CFAP54: variants seen among roughly 807,000 people sequenced by gnomAD.
CFAP54 encodes the protein cilia and flagella associated protein 54, also known as cilia- and flagella-associated protein 54.
CFAP54 carries 290 observed loss-of-function variants against 370.4 expected under a neutral mutation model. The ratio of observed to expected loss-of-function variants is 0.78; its 90% CI spans 0.71 to 0.86. The LOEUF (loss-of-function observed/expected upper bound fraction) is 0.86. CFAP54 is among the 40% of genes least tolerant of loss of function. The probability of loss-of-function intolerance (pLI) is 0.00; values close to 1 mark genes in which losing one functional copy is unlikely to be tolerated. For missense variants in CFAP54, 3,399 were observed against 3,528.7 expected (o/e 0.96, Z 0.93); for synonymous variants, 1,206 against 1,236.5 (o/e 0.98, Z 0.52).
chr12:96,511,601 A>T (rs2136357958), intron 4 of CFAP54, among the ~76,000 whole-genome samples: 1 of 151,978 alleles, frequency 6.6e-6, no homozygotes, highest in Middle Eastern at 3.4e-3. Flanking sequence ...TACAGGTGTG[A>T]GACACCACGC....
Position 96,658,201 on chromosome 12 carries a change from C to T in CFAP54, c.5325-10C>T, listed in dbSNP as rs745379616. ...GTTTTCTTTTTAATGTATTCTTTAC[C>T]CCTGTCTAGTGAGAGGTATACAGAA... On this transcript the variant is annotated splice_polypyrimidine_tract_variant and intron_variant, in intron 37 of 67. Coordinates refer to ENST00000524981, the MANE Select transcript of CFAP54 (RefSeq NM_001306084.2). 8.1e-5 allele frequency: 131 copies of T among 1,608,702 alleles called. No individual in the cohort carries two copies. Among genetic ancestry groups the T allele is most frequent in the Non-Finnish European group, 1.1e-4 (125 of 1,178,498 alleles).
intron 11 of CFAP54, among the ~76,000 whole-genome samples, 174 bp downstream of exon 11, chr12:96,534,401 G>A (rs1378783191): frequency 1.3e-5 from 2 of 152,184 alleles, no homozygotes; most frequent in Non-Finnish European, 2.9e-5. Flanking sequence ...ACCAAGTGTG[G>A]TAGGTGACAA....
chr12:96,610,647 G>A (rs1489428966), intron 26 of CFAP54, among the ~76,000 whole-genome samples: 1 of 152,216 alleles, frequency 6.6e-6, no homozygotes, highest in African/African-American at 2.4e-5. Context: ...GCCAAGGGAA[G>A]CTATGACAGA....
At chr12:96,568,328 T>C (rs1457798686) in intron 19 of CFAP54, among the ~76,000 whole-genome samples, 2 of 152,156 alleles carry the variant, frequency 1.3e-5, no homozygotes, top group African/African-American at 4.8e-5. Flanking sequence ...CCTATTAGGA[T>C]AGACTCTTGA....
intron 12 of CFAP54, among the ~76,000 whole-genome samples, chr12:96,538,026 G>A (rs576291400): frequency 6.6e-6 from 1 of 152,022 alleles, no homozygotes; most frequent in Admixed American, 6.6e-5. Flanking sequence ...GGGATGTGGA[G>A]GTGAGATTGC....
intron 15 of CFAP54, among the ~76,000 whole-genome samples, chr12:96,549,874 G>A (rs993953090): frequency 2.6e-5 from 4 of 152,066 alleles, no homozygotes; most frequent in African/African-American, 7.2e-5. Flanking sequence ...GAAAAATGAC[G>A]GTTTATTGTA....
intron 19 of CFAP54, 122 bp from the exon 20 acceptor site, chr12:96,576,463 C>T: frequency 1.3e-6 from 1 of 741,102 alleles, no homozygotes; most frequent in Non-Finnish European, 2.0e-6. Flanking sequence ...ATATTTGAGC[C>T]TCTGAGGCTT....
At chr12:96,761,109 C>T (rs1249722668) in intron 58 of CFAP54, among the ~76,000 whole-genome samples, 3 of 152,122 alleles carry the variant, frequency 2.0e-5, no homozygotes, top group Admixed American at 6.6e-5. Context: ...GCAATTTTTC[C>T]ACATCCTTGC....
chr12:96,546,482 C>A (rs1048187908), intron 14 of CFAP54, among the ~76,000 whole-genome samples: 1 of 152,176 alleles, frequency 6.6e-6, no homozygotes, highest in Non-Finnish European at 1.5e-5. Context: ...TTCCAGCTTT[C>A]CTTCAGCCAA....
intron 32 of CFAP54, among the ~76,000 whole-genome samples, chr12:96,637,824 C>T (rs815909): frequency 0.096 from 14,651 of 152,224 alleles, 862 homozygotes; most frequent in South Asian, 0.24. Context: ...GCATGTACAA[C>T]GGTGGTCCTA....
intron 63 of CFAP54, among the ~76,000 whole-genome samples, chr12:96,803,523 T>C (rs1231529010): frequency 6.6e-6 from 1 of 151,958 alleles, no homozygotes; most frequent in East Asian, 1.9e-4. Context: ...ACCAGTGGGG[T>C]CTGGAGGCGG....
At chr12:96,516,811 C>T (rs568361103) in intron 5 of CFAP54, among the ~76,000 whole-genome samples, 14 of 152,274 alleles carry the variant, frequency 9.2e-5, no homozygotes, top group African/African-American at 2.6e-4. Context: ...CGTACCATTA[C>T]ACAAACTTTA....
chr12:96,842,523 A>T lies in CFAP54; in HGVS notation c.9171+13435A>T, dbSNP rs558485521. Among the ~76,000 whole-genome samples the T allele has an allele frequency of 3.9e-5, 6 of 152,290 alleles. 1 individual carries two copies. The highest frequency in any genetic ancestry group is 8.8e-5 in the Non-Finnish European group (6 of 68,020). On this transcript the variant is annotated intron_variant, in intron 66 of 67. Transcript: ENST00000524981. ...TGTTGCATAAAAGGAATTTTATAGT[A>T]TGTAACATTTTGAGATTGGCCTTTT...
chr12:96,625,851 C>A, intron 29 of CFAP54, 44 bp downstream of exon 29: 1 of 1,332,452 alleles, frequency 7.5e-7, no homozygotes, highest in African/African-American at 1.5e-5. Flanking sequence ...CGATTTATCA[C>A]TGAAGAGAAT....
At chr12:96,493,224 A>G (rs375626612) in intron 1 of CFAP54, among the ~76,000 whole-genome samples, 2 of 152,200 alleles carry the variant, frequency 1.3e-5, no homozygotes, top group South Asian at 4.1e-4. Context: ...TGTGTGAGGA[A>G]ATGTACTTGA....
At position 96,756,447 on chromosome 12, in the gene CFAP54, T is replaced by TC. The variant is rs1565966671; in HGVS notation, c.7841-10dup. 6.6e-7 allele frequency: 1 copy of TC among 1,524,058 alleles called. No individual in the cohort carries two copies. The highest frequency in any genetic ancestry group is 1.4e-5 in the African/African-American group (1 of 71,230). The allele number at this position is 1,524,058 out of a possible 1,614,324, so 94.4% of individuals were successfully genotyped here. A position where few individuals can be genotyped will look rare whatever the true frequency, so the allele number is the denominator to read the frequency against. ...AGGAAAAACCATCTTTGTATCTTTT[T>TC]CTTCTTTCAGGCAAAATAGAACGTC... is the stretch of plus-strand genomic sequence containing the variant. On this transcript the variant is annotated splice_polypyrimidine_tract_variant and intron_variant, in intron 56 of 67. Transcript: ENST00000524981.
chr12:96,647,471 C>CGAAAAAAAAAAAA lies in CFAP54; in HGVS notation c.4548-404_4548-403insGAAAAAAAAAAAA, dbSNP rs1167008566. On this transcript the variant is annotated intron_variant, in intron 33 of 67. Coordinates refer to ENST00000524981, the MANE Select transcript of CFAP54 (RefSeq NM_001306084.2). The stretch of plus-strand genomic sequence containing the variant: ...CTGGGCGACAGAGCGAGACTCTGTC[C>CGAAAAAAAAAAAA]CAAAAAAAAAAAAAAAAAAAAAAAA... 1.8e-3 allele frequency among the ~76,000 whole-genome samples: 19 copies of CGAAAAAAAAAAAA among 10,688 alleles called. 1 individual carries two copies. Among genetic ancestry groups the CGAAAAAAAAAAAA allele is most frequent in the Non-Finnish European group, 3.3e-3 (13 of 3,984 alleles). 7.0% of individuals were successfully genotyped at this position (10,688 alleles called of 152,430 possible).
chr12:96,791,851 C>CTTT (rs112115771), intron 62 of CFAP54, among the ~76,000 whole-genome samples: 1 of 134,472 alleles, frequency 7.4e-6, no homozygotes, highest in Non-Finnish European at 1.6e-5. Flanking sequence ...ATTTTTTTTT[C>CTTT]TTTTTTTTTT....
intron 14 of CFAP54, among the ~76,000 whole-genome samples, chr12:96,546,541 A>G (rs1004969608): frequency 3.3e-5 from 5 of 152,100 alleles, no homozygotes; most frequent in Admixed American, 6.6e-5. Context: ...AAAAATGTCT[A>G]TTTCTGGCCA....
Sources: allele counts gnomAD v4.1 joint callset (sites outside exome capture counted in the v4.1 genomes callset), GRCh38; gene constraint gnomAD v4.1.1; transcripts MANE v1.5; gene names NCBI Gene and HGNC (gene_info 2026-07-23, HGNC 2026-07-21).